The following GRAMD1A variants were observed in gnomAD, a reference collection of about 807,000 sequenced individuals.
The protein encoded by GRAMD1A is protein Aster-A.
A neutral mutation model predicts 92.0 loss-of-function variants in GRAMD1A; 50 were observed. The observed-to-expected ratio is 0.54, with a 90% CI of 0.43 to 0.69. The LOEUF (loss-of-function observed/expected upper bound fraction) is 0.69. Among genes scored for constraint, GRAMD1A ranks in the 30% least tolerant of loss-of-function variants. The pLI, the probability that GRAMD1A is intolerant of heterozygous loss-of-function variation, is 0.00. For missense variants in GRAMD1A, 819 were observed against 978.9 expected (o/e 0.84, Z 2.18); for synonymous variants, 405 against 403.6 (o/e 1.00, Z -0.04).
chr19:35,017,575 G>A (rs1347731077), intron 11 of GRAMD1A, among the ~76,000 whole-genome samples: 1 of 152,090 alleles, frequency 6.6e-6, no homozygotes, highest in East Asian at 1.9e-4. Flanking sequence ...CAGAGCTGTG[G>A]CTGCCCCTCT....
At chr19:34,995,383 GC>G (rs2013984088), upstream of GRAMD1A, among the ~76,000 whole-genome samples, 1 of 152,162 alleles carries the variant, frequency 6.6e-6, no homozygotes, top group South Asian at 2.1e-4. Context: ...GATTAACTGA[GC>G]ACTTACTGTG....
chr19:35,010,066 C>T lies in GRAMD1A; in HGVS notation c.326-26C>T, dbSNP rs556093340. On this transcript the variant is annotated intron_variant, in intron 4 of 19. Coordinates refer to ENST00000317991, the MANE Select transcript of GRAMD1A (RefSeq NM_020895.5). Reference sequence around the variant, plus strand: ...GGCTGAGCCTCGTGACTTGGGTGTCCTCCTGTCTCTCCCCGCCCCTCTCAG... The same window carrying T: ...GGCTGAGCCTCGTGACTTGGGTGTCTTCCTGTCTCTCCCCGCCCCTCTCAG... 134 of 1,533,872 alleles carry T rather than the reference C, an allele frequency of 8.7e-5. 1 individual carries two copies. In the East Asian group the frequency reaches 2.9e-3, roughly 33 times the overall value.
chr19:35,013,546 C>T lies in GRAMD1A; in HGVS notation c.725C>T (p.Pro242Leu), dbSNP rs918479702. ...SPLQLNGLGT[P>L]KEVGDVIALS... is the part of the protein sequence containing the mutation. ...CTTCCTCCCCTTTCCCACAGGACCC[C>T]CAAGGAAGTGGGAGATGTGATCGCC... is the stretch of plus-strand genomic sequence containing the variant. Residue 242 changes from proline (P) to leucine (L), a missense_variant, in exon 9 of 20, where the codon CCC (proline) becomes CTC (leucine). By Grantham distance (98) the Pro-to-Leu change is moderately conservative. This residue lies in a region of GRAMD1A where 577 missense variants were observed against 674.6 expected (regional missense o/e 0.86). Transcript: ENST00000317991. The surrounding 1 kb of genome is among the most constrained non-coding windows in gnomAD (Gnocchi z 4.9). The T allele has an allele frequency of 1.2e-6, 2 of 1,602,678 alleles. No individual in the cohort carries two copies. Among genetic ancestry groups the T allele is most frequent in the African/African-American group, 1.3e-5 (1 of 74,728 alleles).
rs2016013390 is a variant in GRAMD1A, at chr19:35,021,052, A to G, written c.1476-450A>G. 6.6e-6 allele frequency among the ~76,000 whole-genome samples: 1 copy of G among 152,216 alleles called. No homozygotes were observed. Among genetic ancestry groups the G allele is most frequent in the South Asian group, 2.1e-4 (1 of 4,836 alleles). On this transcript the variant is annotated intron_variant, in intron 13 of 19. Transcript: ENST00000317991. The surrounding 1 kb of genome is among the most constrained non-coding windows in gnomAD (Gnocchi z 5.3). ...CGAGGCATTTGGCCCAAATCACTAC[A>G]ACTTCGGAGCTGCCCTTGACCCAGA...
chr19:35,010,656 G>A (rs1600296453), intron 6 of GRAMD1A: 2 of 587,520 alleles, frequency 3.4e-6, no homozygotes, highest in Non-Finnish European at 6.0e-6. Flanking sequence ...CCCTCCCTTC[G>A]TAAGTCTCCC....
At chr19:35,022,130 C>A in intron 16 of GRAMD1A, 92 bp downstream of exon 16, 1 of 860,240 alleles carries the variant, frequency 1.2e-6, no homozygotes, top group South Asian at 1.6e-5. Context: ...TTTGAGCTCT[C>A]TGCTTAAGTG....
rs1048338005 is a variant in GRAMD1A at position 35,014,676 on chromosome 19, C to G, written c.1069+289C>G. 1.2e-5 allele frequency: 6 copies of G among 486,344 alleles called. No homozygotes were observed. The East Asian group carries it at 2.3e-4, about 19-fold the overall frequency. The allele number at this position is 486,344 out of a possible 1,614,324, so 30.1% of individuals were successfully genotyped here. On this transcript the variant is annotated intron_variant, in intron 10 of 19. Transcript: ENST00000317991. ...GTAACTTCTCTGAGCTTGCTTTCCT[C>G]CTCTGAAAATGGGGTTAACAATGAT... is the stretch of plus-strand genomic sequence containing the variant.
chr19:35,009,160 C>A lies in GRAMD1A; in HGVS notation c.50C>A (p.Pro17Gln). The A allele has an allele frequency of 6.2e-7, 1 of 1,613,994 alleles. No individual in the cohort carries two copies. The highest frequency in any genetic ancestry group is 8.5e-7 in the Non-Finnish European group (1 of 1,179,884). The change falls in exon 2 of 20, where the codon CCA becomes CAA. Residue 17 changes from proline (P) to glutamine (Q), a missense_variant. Pro to Gln is a moderately conservative substitution (Grantham distance 76). Coordinates refer to ENST00000317991, the MANE Select transcript of GRAMD1A (RefSeq NM_020895.5). ...GGCCGGAGCACGCCAAGCAGCTCCCCATCGCTCCGGAAACGGCTGCAGCTC... is the reference window on the plus strand; with the variant it reads ...GGCCGGAGCACGCCAAGCAGCTCCCAATCGCTCCGGAAACGGCTGCAGCTC... ...HSGRSTPSSS[P>Q]SLRKRLQLLP...
intron 1 of GRAMD1A, among the ~76,000 whole-genome samples, chr19:35,004,982 T>G (rs1010453961): frequency 1.3e-5 from 2 of 152,080 alleles, no homozygotes; most frequent in Non-Finnish European, 2.9e-5. Context: ...GCGGTGGCAC[T>G]TGACTGGAAG....
rs58809497 is a variant in GRAMD1A, at chr19:35,003,061, GGTGT to G, written c.8+2604_8+2607del. Among the ~76,000 whole-genome samples, 548 of 142,308 alleles carry G rather than the reference GGTGT, an allele frequency of 3.9e-3. 4 individuals are homozygous for G. Among genetic ancestry groups the G allele is most frequent in the South Asian group, 0.015 (64 of 4,318 alleles). 93.4% of individuals were successfully genotyped at this position (142,308 alleles called of 152,430 possible). The stretch of plus-strand genomic sequence containing the variant: ...ACTGTAGCAGACTAGCAATGCTGCA[GGTGT>G]GTGTGTGTGTGTGTGTGTGTGTGTG... On this transcript the variant is annotated intron_variant, in intron 1 of 19. Transcript: ENST00000317991.
intron 19 of GRAMD1A, among the ~76,000 whole-genome samples, chr19:35,024,336 C>G (rs1486234857): frequency 2.0e-5 from 3 of 152,156 alleles, no homozygotes; most frequent in African/African-American, 2.4e-5. Flanking sequence ...GTGCCAGGGA[C>G]AAAGCAGATG....
intron 1 of GRAMD1A, among the ~76,000 whole-genome samples, chr19:35,004,791 C>G (rs894103935): frequency 6.6e-6 from 1 of 152,116 alleles, no homozygotes; most frequent in Admixed American, 6.6e-5. Context: ...TCCGCCAGTC[C>G]CTGTGGGAGG....
At chr19:35,019,623 C>T in intron 13 of GRAMD1A, 90 bp downstream of exon 13, 1 of 1,290,440 alleles carries the variant, frequency 7.7e-7, no homozygotes, top group East Asian at 2.3e-5. Flanking sequence ...GCCTTGGTTC[C>T]CACCCTGGTG....
chr19:34,998,810 G>T (rs769954109), upstream of GRAMD1A, among the ~76,000 whole-genome samples: 1 of 151,158 alleles, frequency 6.6e-6, no homozygotes, highest in African/African-American at 2.4e-5. Context: ...CGGCGATAGG[G>T]GGGGTGCTGT....
At chr19:35,009,065 G>A (rs1284424734) in intron 1 of GRAMD1A, 54 bp from the exon 2 acceptor site, 4 of 1,243,136 alleles carry the variant, frequency 3.2e-6, no homozygotes, top group African/African-American at 2.9e-5. Context: ...GCCTGTCCCC[G>A]AATCCCAGCC....
chr19:35,016,558 C>T, intron 11 of GRAMD1A, among the ~76,000 whole-genome samples: 1 of 136,444 alleles, frequency 7.3e-6, no homozygotes, highest in East Asian at 2.2e-4. Flanking sequence ...GATCACACTG[C>T]ACTCCAGCCT....
rs1600295293 is a variant in GRAMD1A, at chr19:35,010,386, G to A, written c.525+7G>A. 1.2e-6 allele frequency: 2 copies of A among 1,602,042 alleles called. No individual in the cohort carries two copies. The highest frequency in any genetic ancestry group is 1.7e-6 in the Non-Finnish European group (2 of 1,168,870). ...CTGCACGGAGAGCGAGAAGGTGACGGAGGACCCGGTGACGGGACCACGCGG... is the reference window on the plus strand; with the variant it reads ...CTGCACGGAGAGCGAGAAGGTGACGAAGGACCCGGTGACGGGACCACGCGG... On this transcript the variant is annotated splice_region_variant and intron_variant, in intron 6 of 19. Transcript: ENST00000317991.
chr19:34,996,283 C>T (rs1377227537), upstream of GRAMD1A: 2 of 1,527,838 alleles, frequency 1.3e-6, no homozygotes, highest in Non-Finnish European at 1.8e-6. Flanking sequence ...AGAGTCTGTC[C>T]CAGGACAGGT....
At chr19:35,002,203 T>C (rs1214188429) in intron 1 of GRAMD1A, among the ~76,000 whole-genome samples, 1 of 152,104 alleles carries the variant, frequency 6.6e-6, no homozygotes, top group Non-Finnish European at 1.5e-5. Flanking sequence ...GAGGCAATAA[T>C]GATAACTGAC....
Sources: allele counts gnomAD v4.1 joint callset (sites outside exome capture counted in the v4.1 genomes callset), GRCh38; gene constraint gnomAD v4.1.1; regional missense constraint gnomAD v4.1.1; non-coding constraint Gnocchi (gnomAD v3.1); transcripts MANE v1.5; gene names NCBI Gene and HGNC (gene_info 2026-07-23, HGNC 2026-07-21).